LHFPL3: variants seen among roughly 807,000 people sequenced by gnomAD.
LHFPL3 encodes the protein LHFPL tetraspan subfamily member 3 protein.
In LHFPL3, 5 loss-of-function variants were observed where a neutral mutation model predicts 19.3. The ratio of observed to expected loss-of-function variants is 0.26; its 90% CI spans 0.14 to 0.54. The LOEUF (loss-of-function observed/expected upper bound fraction) is 0.54, where lower values mean the gene tolerates loss of function less well. LHFPL3 is among the 20% of genes least tolerant of loss of function. LHFPL3 has a pLI of 0.94. For synonymous variants in LHFPL3, 133 were observed against 126.2 expected (o/e 1.05, Z -0.36); for missense variants, 249 against 307.4 (o/e 0.81, Z 1.42).
chr7:104,707,923 A>G (rs764467797), intron 1 of LHFPL3, among the ~76,000 whole-genome samples: 5 of 152,240 alleles, frequency 3.3e-5, no homozygotes, highest in Non-Finnish European at 5.9e-5. Flanking sequence ...GTCTAAAACC[A>G]TTAAATGATG....
intron 1 of LHFPL3, among the ~76,000 whole-genome samples, chr7:104,398,587 C>A (rs946776753): frequency 7.2e-5 from 11 of 152,116 alleles, no homozygotes; most frequent in African/African-American, 2.7e-4. Context: ...TCATTTAATT[C>A]TCACATCCAT....
chr7:104,375,611 T>C (rs1419265396), intron 1 of LHFPL3, among the ~76,000 whole-genome samples: 3 of 152,224 alleles, frequency 2.0e-5, no homozygotes, highest in Admixed American at 2.0e-4. Flanking sequence ...CATGATTAAA[T>C]TTCTTATTGG....
rs564684302 is a variant in LHFPL3 at position 104,351,567 on chromosome 7, G to C, written c.445+22343G>C. 2.6e-5 allele frequency among the ~76,000 whole-genome samples: 4 copies of C among 152,246 alleles called. No homozygotes were observed. The South Asian group carries it at 8.3e-4, about 32-fold the overall frequency. On this transcript the variant is annotated intron_variant, in intron 1 of 2. Coordinates refer to ENST00000424859, the MANE Select transcript of LHFPL3 (RefSeq NM_199000.3). ...ACGAGGCTGATAAAATTATTTTCAG[G>C]AGAAAATTAAGATGGAAGGAGACTA...
chr7:104,715,382 A>AT (rs931387321), intron 1 of LHFPL3, among the ~76,000 whole-genome samples: 9 of 152,072 alleles, frequency 5.9e-5, no homozygotes, highest in South Asian at 2.1e-4. Context: ...ACTTTGAACA[A>AT]TTTTTTTTAC....
intron 1 of LHFPL3, among the ~76,000 whole-genome samples, chr7:104,462,858 C>T (rs1019232933): frequency 3.9e-5 from 6 of 152,052 alleles, no homozygotes; most frequent in African/African-American, 1.2e-4. Flanking sequence ...GGCTGTGACT[C>T]CATGTGGTCC....
chr7:104,559,668 T>C (rs1789941557), intron 1 of LHFPL3, among the ~76,000 whole-genome samples: 1 of 152,192 alleles, frequency 6.6e-6, no homozygotes, highest in African/African-American at 2.4e-5. Context: ...TGAATACCCT[T>C]TATTTCCTTC....
At chr7:104,738,538 C>A (rs1283374230) in intron 2 of LHFPL3, 1 of 152,150 alleles carries the variant, frequency 6.6e-6, no homozygotes, top group South Asian at 2.1e-4. Context: ...GAGAACCTTT[C>A]ACTTTCCAGA....
At chr7:104,406,046 C>T (rs1791407249) in intron 1 of LHFPL3, among the ~76,000 whole-genome samples, 1 of 152,198 alleles carries the variant, frequency 6.6e-6, no homozygotes, top group Admixed American at 6.5e-5. Context: ...GTCTGCTTTT[C>T]CTTGAGCATC....
intron 1 of LHFPL3, among the ~76,000 whole-genome samples, chr7:104,430,403 T>TAC (rs1351125831): frequency 5.0e-5 from 2 of 39,658 alleles, no homozygotes; most frequent in East Asian, 1.1e-3. Context: ...TATATATATA[T>TAC]ACATATATAT....
chr7:104,822,096 C>T (rs1790686307), intron 2 of LHFPL3, among the ~76,000 whole-genome samples: 1 of 152,158 alleles, frequency 6.6e-6, no homozygotes, highest in African/African-American at 2.4e-5. Flanking sequence ...CCAAAAGATG[C>T]AAGGTGGGCT....
In LHFPL3 at chr7:104,597,797, T is replaced by C. The variant is rs575008136; in HGVS notation, c.446-138878T>C. 3.3e-5 allele frequency among the ~76,000 whole-genome samples: 5 copies of C among 152,268 alleles called. No homozygotes were observed. The South Asian group carries it at 1.0e-3, about 32-fold the overall frequency. ...GGAACTTCAAAAAGTTCATAGAAAA[T>C]GTGAATTATGAAAAAGCTATGCATG... is the stretch of plus-strand genomic sequence containing the variant. On this transcript the variant is annotated intron_variant, in intron 1 of 2. Transcript: ENST00000424859.
chr7:104,749,360 C>G (rs988404221), intron 2 of LHFPL3, among the ~76,000 whole-genome samples: 7 of 152,250 alleles, frequency 4.6e-5, no homozygotes, highest in African/African-American at 4.8e-5. Flanking sequence ...AAACTTGTCT[C>G]TAACTGGTTG....
At chr7:104,429,301 CTTTTTTTTT>C (rs71823474) in intron 1 of LHFPL3, among the ~76,000 whole-genome samples, 1 of 84,532 alleles carries the variant, frequency 1.2e-5, no homozygotes, top group Non-Finnish European at 2.1e-5. Context: ...TATGTCATTC[CTTTTTTTTT>C]TTTTTTTTTT....
At chr7:104,507,126 CA>C (rs1324730510) in intron 1 of LHFPL3, among the ~76,000 whole-genome samples, 1 of 151,980 alleles carries the variant, frequency 6.6e-6, no homozygotes, top group Non-Finnish European at 1.5e-5. Context: ...TTTATAACAC[CA>C]AATACATTAG....
chr7:104,671,571 CAA>C (rs34805741), intron 1 of LHFPL3, among the ~76,000 whole-genome samples: 10 of 125,194 alleles, frequency 8.0e-5, no homozygotes, highest in Non-Finnish European at 1.6e-4. Flanking sequence ...CTTTAAAGTT[CAA>C]AAAAAAAAAA....
At chr7:104,350,842 C>T (rs1053957583) in intron 1 of LHFPL3, among the ~76,000 whole-genome samples, 3 of 152,108 alleles carry the variant, frequency 2.0e-5, no homozygotes, top group Admixed American at 6.5e-5. Context: ...GAATTCGAGA[C>T]CAGCCTGGCC....
At chr7:104,504,441 G>T (rs570421893) in intron 1 of LHFPL3, among the ~76,000 whole-genome samples, 1 of 152,222 alleles carries the variant, frequency 6.6e-6, no homozygotes, top group African/African-American at 2.4e-5. Flanking sequence ...GATCACTTAT[G>T]TGTTTCCCTT....
chr7:104,449,246 C>T (rs1792385654), intron 1 of LHFPL3, among the ~76,000 whole-genome samples: 1 of 152,112 alleles, frequency 6.6e-6, no homozygotes, highest in South Asian at 2.1e-4. Context: ...AGTTCCTACA[C>T]ACTGTAAGAA....
chr7:104,623,672 A>G (rs186110609), intron 1 of LHFPL3, among the ~76,000 whole-genome samples: 61 of 152,306 alleles, frequency 4.0e-4, no homozygotes, highest in African/African-American at 1.4e-3. Flanking sequence ...CAAATTTTCA[A>G]ACTTTTTCAA....
Sources: gnomAD v4.1 joint callset for allele counts (sites outside exome capture counted in the v4.1 genomes callset) on GRCh38, gnomAD v4.1.1 for gene constraint, MANE v1.5 for transcripts, NCBI Gene and HGNC (gene_info 2026-07-23, HGNC 2026-07-21) for gene names.